SIRT6: variants seen among roughly 807,000 people sequenced by gnomAD.
SIRT6 encodes NAD-dependent protein deacylase sirtuin-6.
In SIRT6, 21 loss-of-function variants were observed where a neutral mutation model predicts 33.6. The observed-to-expected ratio is 0.62, with a 90% CI of 0.44 to 0.90. The LOEUF (loss-of-function observed/expected upper bound fraction) is 0.90. Among genes scored for constraint, SIRT6 ranks in the 40% least tolerant of loss-of-function variants. The pLI is 0.00. For synonymous variants in SIRT6, 221 were observed against 223.9 expected (o/e 0.99, Z 0.12); for missense variants, 504 against 510.6 (o/e 0.99, Z 0.12).
chr19:4,176,014 G>A lies in SIRT6; in HGVS notation c.438-77C>T, dbSNP rs569333713. 22 of 1,324,890 alleles carry A rather than the reference G, an allele frequency of 1.7e-5. No individual in the cohort carries two copies. The Admixed American group carries it at 3.0e-4, about 18-fold the overall frequency. 82.1% of individuals were successfully genotyped at this position (1,324,890 alleles called of 1,614,324 possible). A position where few individuals can be genotyped will look rare whatever the true frequency, so the allele number is the denominator to read the frequency against. On this transcript the variant is annotated intron_variant, in intron 4 of 7. Coordinates refer to ENST00000337491, the MANE Select transcript of SIRT6 (RefSeq NM_016539.4). ...ACTCTCGCACTGTTTCTAGGGTGAC[G>A]TTCTCCCAGGGAGGTGGGGGGTGGA...
intron 2 of SIRT6, 103 bp downstream of exon 2, chr19:4,180,679 A>C (rs1316762911): frequency 4.1e-6 from 6 of 1,450,754 alleles, no homozygotes; most frequent in Non-Finnish European, 5.6e-6. Flanking sequence ...ATCCAGGAGG[A>C]AAGCAGATGG....
chr19:4,174,324 A>T lies in SIRT6; in HGVS notation c.*293T>A, dbSNP rs1967148039. On this transcript the variant is annotated 3_prime_UTR_variant, in exon 8 of 8. Coordinates refer to ENST00000337491, the MANE Select transcript of SIRT6 (RefSeq NM_016539.4). This position sits in a 1 kb window ranked among gnomAD's most constrained non-coding sequence, Gnocchi z 4.2. ...GACAGAGGGAGTTCACTCCTGTTTA[A>T]GCTGGAGACCAGGGAGGGCCCAGCC... The T allele has an allele frequency of 3.5e-6, 1 of 283,174 alleles. No individual in the cohort carries two copies. The highest frequency in any genetic ancestry group is 2.2e-5 in the African/African-American group (1 of 45,592). 17.5% of individuals were successfully genotyped at this position (283,174 alleles called of 1,614,324 possible).
Position 4,174,884 on chromosome 19 carries a change from C to G in SIRT6, c.801G>C (p.Lys267Asn), listed in dbSNP as rs1281033014. The G allele has an allele frequency of 6.2e-7, 1 of 1,602,514 alleles. No individual in the cohort carries two copies. The highest frequency in any genetic ancestry group is 8.5e-7 in the Non-Finnish European group (1 of 1,179,714). The change falls in exon 8 of 8, where the codon AAG (lysine) becomes AAC (asparagine). Residue 267 changes from lysine (K) to asparagine (N), a missense_variant. Transcript: ENST00000337491. This position sits in a 1 kb window ranked among gnomAD's most constrained non-coding sequence, Gnocchi z 4.2. ...YVDEVMTRLM[K>N]HLGLEIPAWD... ...AGGCGGGGATCTCCAGCCCCAGGTG[C>G]TTCATGAGCCGGGTCATGACCTCGT...
At position 4,180,755 on chromosome 19, in the gene SIRT6, C is replaced by T. The variant is rs762738609; in HGVS notation, c.194+27G>A. 6.3e-6 allele frequency: 10 copies of T among 1,583,188 alleles called. No homozygotes were observed. The Admixed American group carries it at 1.2e-4, about 20-fold the overall frequency. ...CCTCTGGCAGCCTGGTAGGCCTTGC[C>T]TCGACTTCCCCTGCACAATCACAGA... On this transcript the variant is annotated intron_variant, in intron 2 of 7. Transcript: ENST00000337491.
rs745411420 is a variant in SIRT6 at position 4,177,187 on chromosome 19, T to A, written c.378-49A>T. 10 of 1,595,520 alleles carry A rather than the reference T, an allele frequency of 6.3e-6. No individual in the cohort carries two copies. The African/African-American group carries it at 1.2e-4, about 19-fold the overall frequency. ...TTGATGGTGGGAAAGGATCCCTGGATGCCCAGGCTTTGGAGCTGGTGCTAA... is the reference window on the plus strand; with the variant it reads ...TTGATGGTGGGAAAGGATCCCTGGAAGCCCAGGCTTTGGAGCTGGTGCTAA... On this transcript the variant is annotated intron_variant, in intron 3 of 7. Coordinates refer to ENST00000337491, the MANE Select transcript of SIRT6 (RefSeq NM_016539.4).
At chr19:4,179,075 C>T in intron 3 of SIRT6, 29 bp downstream of exon 3, 2 of 1,608,410 alleles carry the variant, frequency 1.2e-6, no homozygotes, top group Non-Finnish European at 1.7e-6. Flanking sequence ...GCCCCAAGCT[C>T]TTTTGTGGGG....
chr19:4,181,642 C>A (rs560139124), intron 1 of SIRT6, among the ~76,000 whole-genome samples: 8 of 152,220 alleles, frequency 5.3e-5, no homozygotes, highest in Middle Eastern at 3.4e-3. Context: ...CAAAAATTAG[C>A]CAGGCGTGGT....
chr19:4,177,134 T>C lies in SIRT6; in HGVS notation c.382A>G (p.Lys128Glu). ...LHVRSGFPRD[K>E]LAELHGNMFV... ...ATGTTCCCGTGGAGCTCTGCCAGTT[T>C]GTCCCTGTGGGAAGAGCAGGAAGAG... Residue 128 changes from lysine to glutamate, a missense_variant, in exon 4 of 8, where the codon AAA becomes GAA. Lys to Glu is a moderately conservative substitution (Grantham distance 56, BLOSUM62 1). Transcript: ENST00000337491. The C allele has an allele frequency of 6.2e-7, 1 of 1,613,822 alleles. No individual in the cohort carries two copies. The highest frequency in any genetic ancestry group is 8.5e-7 in the Non-Finnish European group (1 of 1,179,832).
chr19:4,180,763 C>A lies in SIRT6; in HGVS notation c.194+19G>T. ...AGCCTGGTAGGCCTTGCCTCGACTT[C>A]CCCTGCACAATCACAGACCTGAAGT... On this transcript the variant is annotated intron_variant, in intron 2 of 7. Coordinates refer to ENST00000337491, the MANE Select transcript of SIRT6 (RefSeq NM_016539.4). 6.3e-7 allele frequency: 1 copy of A among 1,598,526 alleles called. No homozygotes were observed. The highest frequency in any genetic ancestry group is 8.5e-7 in the Non-Finnish European group (1 of 1,171,164).
At chr19:4,180,955 A>G (rs1214933527) in intron 1 of SIRT6, 46 bp from the exon 2 acceptor site, 2 of 1,555,206 alleles carry the variant, frequency 1.3e-6, no homozygotes, top group South Asian at 2.4e-5. Context: ...AGTTCCCCCA[A>G]GTGGCAAGGC....
At chr19:4,179,591 G>A in intron 2 of SIRT6, 1 of 447,968 alleles carries the variant, frequency 2.2e-6, no homozygotes, top group Non-Finnish European at 4.0e-6. Flanking sequence ...TCACACGAAG[G>A]CAAAAATGAC....
Position 4,174,749 on chromosome 19 carries a change from G to T in SIRT6, c.936C>A (p.Pro312=), listed in dbSNP as rs563432345. The T allele has an allele frequency of 7.0e-5, 104 of 1,487,558 alleles. No homozygotes were observed. The highest frequency in any genetic ancestry group is 9.2e-5 in the Non-Finnish European group (103 of 1,118,518). 92.1% of individuals were successfully genotyped at this position (1,487,558 alleles called of 1,614,324 possible). A position where few individuals can be genotyped will look rare whatever the true frequency, so the allele number is the denominator to read the frequency against. The change falls in exon 8 of 8, where the codon CCC becomes CCA. Residue 312 remains proline (P), a synonymous_variant. Coordinates refer to ENST00000337491, the MANE Select transcript of SIRT6 (RefSeq NM_016539.4). This position sits in a 1 kb window ranked among gnomAD's most constrained non-coding sequence, Gnocchi z 4.2. ...ESPTRINGSI[P]AGPKQEPCAQ... Reference sequence around the variant, plus strand: ...CGCAGGGCTCCTGCTTGGGGCCGGCGGGGATAGAGCCGTTGATCCGGGTGG... The same window carrying T: ...CGCAGGGCTCCTGCTTGGGGCCGGCTGGGATAGAGCCGTTGATCCGGGTGG...
At chr19:4,182,351 G>A (rs1967748943) in intron 1 of SIRT6, 123 bp downstream of exon 1, 1 of 997,452 alleles carries the variant, frequency 1.0e-6, no homozygotes, top group South Asian at 1.7e-5. Flanking sequence ...TTCCTCACTG[G>A]GAAGTCCCTC....
At position 4,179,240 on chromosome 19, in the gene SIRT6, TG is replaced by T; in HGVS notation, c.240del (p.Lys81SerfsTer79). Reference sequence around the variant, plus strand: ...GCGCTCTCAAAGGTGGTGTCGAACTTGGGGGCCAGACCTCGCTCCTCCATGG... The same window carrying T: ...GCGCTCTCAAAGGTGGTGTCGAACTTGGGGCCAGACCTCGCTCCTCCATGG... ...VWTMEERGLA[P>X]KFDTTFESAR... On this transcript the variant is annotated frameshift_variant, in exon 3 of 8. Transcript: ENST00000337491. LOFTEE classifies it high-confidence loss of function. 1 of 1,609,704 alleles carries T rather than the reference TG, an allele frequency of 6.2e-7. No individual in the cohort carries two copies. The highest frequency in any genetic ancestry group is 8.5e-7 in the Non-Finnish European group (1 of 1,178,534).
At chr19:4,176,375 G>A (rs1258746068) in intron 4 of SIRT6, among the ~76,000 whole-genome samples, 3 of 152,248 alleles carry the variant, frequency 2.0e-5, no homozygotes, top group African/African-American at 4.8e-5. Flanking sequence ...CAGATCACAA[G>A]GTCAGGAGTT....
chr19:4,179,523 T>G, intron 2 of SIRT6: 1 of 541,142 alleles, frequency 1.8e-6, no homozygotes, highest in Non-Finnish European at 3.2e-6. Flanking sequence ...ACAAAGCAAG[T>G]CAGAGACAGA....
At chr19:4,178,202 C>G (rs556124249) in intron 3 of SIRT6, among the ~76,000 whole-genome samples, 2 of 151,078 alleles carry the variant, frequency 1.3e-5, no homozygotes, top group African/African-American at 4.9e-5. Flanking sequence ...AATTTTTGTA[C>G]TCTTAGTAGA....
chr19:4,175,151 C>T lies in SIRT6; in HGVS notation c.615G>A (p.Arg205=). The T allele has an allele frequency of 1.2e-6, 2 of 1,600,468 alleles. No homozygotes were observed. The highest frequency in any genetic ancestry group is 1.7e-6 in the Non-Finnish European group (2 of 1,175,682). The part of the protein sequence containing the change: ...RDLALADEAS[R]NADLSITLGT... Reference sequence around the variant, plus strand: ...CCAGCGTGATGGACAGGTCGGCGTTCCTGGGGCCGGGGAGCGTGGGCTGAG... The same window carrying T: ...CCAGCGTGATGGACAGGTCGGCGTTTCTGGGGCCGGGGAGCGTGGGCTGAG... Residue 205 remains arginine, a splice_region_variant and synonymous_variant, in exon 7 of 8, where the codon AGG becomes AGA. Transcript: ENST00000337491.
In SIRT6 at chr19:4,177,133, T is replaced by C. The variant is rs780307430; in HGVS notation, c.383A>G (p.Lys128Arg). ...CATGTTCCCGTGGAGCTCTGCCAGT[T>C]TGTCCCTGTGGGAAGAGCAGGAAGA... ...LHVRSGFPRDKLAELHGNMFV... is the reference protein window; with the variant it reads ...LHVRSGFPRDRLAELHGNMFV... The change falls in exon 4 of 8, where the codon AAA becomes AGA. Residue 128 changes from lysine to arginine, a missense_variant. By Grantham distance (26) the Lys-to-Arg change is conservative. Coordinates refer to ENST00000337491, the MANE Select transcript of SIRT6 (RefSeq NM_016539.4). The C allele has an allele frequency of 6.2e-7, 1 of 1,613,788 alleles. No homozygotes were observed. Among genetic ancestry groups the C allele is most frequent in the Non-Finnish European group, 8.5e-7 (1 of 1,179,842 alleles).
Sources: allele counts gnomAD v4.1 joint callset (sites outside exome capture counted in the v4.1 genomes callset), GRCh38; gene constraint gnomAD v4.1.1; non-coding constraint Gnocchi (gnomAD v3.1); transcripts MANE v1.5; gene names NCBI Gene and HGNC (gene_info 2026-07-23, HGNC 2026-07-21).